CSNK1G3: variants seen among roughly 807,000 people sequenced by gnomAD.
CSNK1G3 encodes casein kinase I isoform gamma-3.
CSNK1G3 carries 23 observed loss-of-function variants against 64.3 expected under a neutral mutation model. The ratio of observed to expected loss-of-function variants is 0.36; its 90% CI spans 0.26 to 0.51. The LOEUF (loss-of-function observed/expected upper bound fraction) is 0.51. Among genes scored for constraint, CSNK1G3 ranks in the 20% least tolerant of loss-of-function variants. CSNK1G3 has a pLI of 0.96. For synonymous variants in CSNK1G3, 158 were observed against 162.2 expected, an observed-to-expected ratio of 0.97 and a Z score of 0.20; for missense variants, 357 against 510.5, an observed-to-expected ratio of 0.70 and a Z score of 2.90.
In CSNK1G3 at chr5:123,613,744, G is replaced by A. The variant is rs187067989; in HGVS notation, c.1218-598G>A. 7.9e-5 allele frequency among the ~76,000 whole-genome samples: 12 copies of A among 152,080 alleles called. No individual in the cohort carries two copies. The East Asian group carries it at 2.3e-3, about 29-fold the overall frequency. ...CATATACAGTTTTGACTTGTAAAAT[G>A]GAATCACCTCAATTGTGCTACTTTA... On this transcript the variant is annotated intron_variant, in intron 12 of 12. Transcript: ENST00000345990.
intron 11 of CSNK1G3, 110 bp from the exon 13 acceptor site, chr5:123,605,229 T>A: frequency 1.1e-6 from 1 of 947,276 alleles, no homozygotes; most frequent in Non-Finnish European, 1.6e-6. Context: ...ACAACATTGC[T>A]TGGAAAAAAT....
intron 1 of CSNK1G3, among the ~76,000 whole-genome samples, chr5:123,528,613 T>C (rs931443737): frequency 6.6e-6 from 1 of 152,164 alleles, no homozygotes; most frequent in Non-Finnish European, 1.5e-5. Flanking sequence ...TTATTTTTTC[T>C]TCCATTGGGA....
chr5:123,515,213 C>T (rs987306890), intron 1 of CSNK1G3, among the ~76,000 whole-genome samples: 1 of 152,098 alleles, frequency 6.6e-6, no homozygotes, highest in Non-Finnish European at 1.5e-5. Context: ...CTGATCCATC[C>T]TGTAATCCTC....
chr5:123,526,400 A>G (rs1340423746), intron 1 of CSNK1G3, among the ~76,000 whole-genome samples: 1 of 152,076 alleles, frequency 6.6e-6, no homozygotes, highest in Non-Finnish European at 1.5e-5. Flanking sequence ...AATTAAATTT[A>G]TTAGTGGGTG....
At chr5:123,542,631 G>A (rs2150225376) in intron 1 of CSNK1G3, among the ~76,000 whole-genome samples, 1 of 152,200 alleles carries the variant, frequency 6.6e-6, no homozygotes, top group South Asian at 2.1e-4. Flanking sequence ...ATTCTGAATT[G>A]ATCAACACCT....
intron 2 of CSNK1G3, among the ~76,000 whole-genome samples, chr5:123,546,660 GTGAACTTTAGA>G (rs1275544411): frequency 6.6e-6 from 1 of 152,030 alleles, no homozygotes; most frequent in Non-Finnish European, 1.5e-5. Context: ...ACCACCAAGA[GTGAACTTTAGA>G]TGTAAAAAGA....
chr5:123,525,284 C>G (rs1580884144), intron 1 of CSNK1G3, among the ~76,000 whole-genome samples: 1 of 150,670 alleles, frequency 6.6e-6, no homozygotes, highest in East Asian at 1.9e-4. Flanking sequence ...CCTTGCAAGG[C>G]ACCAAGCTTG....
At chr5:123,569,560 CAT>C (rs543949371) in intron 4 of CSNK1G3, among the ~76,000 whole-genome samples, 59 of 152,302 alleles carry the variant, frequency 3.9e-4, no homozygotes, top group Non-Finnish European at 6.0e-4. Flanking sequence ...AACATTAAAT[CAT>C]AATAGCTAAT....
At chr5:123,580,561 A>G (rs545688546) in intron 6 of CSNK1G3, among the ~76,000 whole-genome samples, 1 of 152,036 alleles carries the variant, frequency 6.6e-6, no homozygotes, top group South Asian at 2.1e-4. Context: ...TATGTTACAG[A>G]TGTGGATTTC....
rs117057477 is a variant in CSNK1G3 at position 123,581,332 on chromosome 5, A to G, written c.673+5369A>G. 1.7e-4 allele frequency among the ~76,000 whole-genome samples: 25 copies of G among 145,322 alleles called. 1 individual carries two copies. The East Asian group carries it at 5.0e-3, about 29-fold the overall frequency. On this transcript the variant is annotated intron_variant, in intron 6 of 12. Transcript: ENST00000345990. ...GAGACAATTTTATTTATACTTTGTA[A>G]TAGATTCTCTTTTTGTTTTTTGGGT... is the stretch of plus-strand genomic sequence containing the variant.
At chr5:123,542,648 A>C (rs1781856467) in intron 1 of CSNK1G3, among the ~76,000 whole-genome samples, 1 of 152,160 alleles carries the variant, frequency 6.6e-6, no homozygotes, top group Non-Finnish European at 1.5e-5. Flanking sequence ...ACCTGTGGCA[A>C]AAAGAGGGGA....
At chr5:123,549,418 G>A (rs1561498942) in intron 2 of CSNK1G3, among the ~76,000 whole-genome samples, 1 of 152,122 alleles carries the variant, frequency 6.6e-6, no homozygotes, top group Non-Finnish European at 1.5e-5. Context: ...CTGGGAGCAT[G>A]CCTATGATAT....
chr5:123,559,557 C>G (rs560905222), intron 4 of CSNK1G3, among the ~76,000 whole-genome samples: 19 of 152,240 alleles, frequency 1.2e-4, no homozygotes, highest in African/African-American at 4.3e-4. Context: ...TGCTATGCTC[C>G]TCTCTGCTCT....
intron 1 of CSNK1G3, among the ~76,000 whole-genome samples, chr5:123,539,604 TG>T (rs1239348478): frequency 6.6e-6 from 1 of 152,218 alleles, no homozygotes; most frequent in Non-Finnish European, 1.5e-5. Flanking sequence ...GAAGAATTTT[TG>T]TATCTATGCT....
intron 1 of CSNK1G3, among the ~76,000 whole-genome samples, chr5:123,544,142 C>G (rs2150246589): frequency 6.6e-6 from 1 of 152,262 alleles, no homozygotes; most frequent in Non-Finnish European, 1.5e-5. Flanking sequence ...TAGCTCACTG[C>G]AACCTTGGCG....
intron 2 of CSNK1G3, among the ~76,000 whole-genome samples, chr5:123,547,905 T>C (rs1188493044): frequency 6.6e-6 from 1 of 152,180 alleles, no homozygotes; most frequent in Non-Finnish European, 1.5e-5. Flanking sequence ...CATTAATCTT[T>C]CTATACCTGG....
intron 12 of CSNK1G3, among the ~76,000 whole-genome samples, chr5:123,611,250 CTCTT>C (rs1796281265): frequency 6.6e-6 from 1 of 152,184 alleles, no homozygotes; most frequent in Admixed American, 6.6e-5. Flanking sequence ...GAGAACCTCT[CTCTT>C]GTCTATTTGG....
intron 4 of CSNK1G3, among the ~76,000 whole-genome samples, chr5:123,569,141 A>G (rs1787563985): frequency 6.6e-6 from 1 of 152,206 alleles, no homozygotes; most frequent in South Asian, 2.1e-4. Flanking sequence ...ACATGATTAT[A>G]TGCATACTTA....
chr5:123,571,755 C>G (rs761795533), intron 4 of CSNK1G3, among the ~76,000 whole-genome samples: 3 of 148,458 alleles, frequency 2.0e-5, no homozygotes, highest in African/African-American at 5.0e-5. Context: ...TTTGTTTTCT[C>G]TTTCAATATA....
Sources: allele counts gnomAD v4.1 joint callset (sites outside exome capture counted in the v4.1 genomes callset), GRCh38; gene constraint gnomAD v4.1.1; transcripts MANE v1.5; gene names NCBI Gene and HGNC (gene_info 2026-07-23, HGNC 2026-07-21).